Variants in ICE2 observed in about 807,000 individuals in gnomAD.
ICE2 encodes the protein interactor of little elongation complex ELL subunit 2, also known as little elongation complex subunit 2.
Under a neutral mutation model 105.4 loss-of-function variants are expected in ICE2, and 87 were observed. The observed-to-expected ratio is 0.83, with a 90% CI of 0.69 to 0.99. ICE2 has a LOEUF of 0.99. Ranked by LOEUF, ICE2 falls within the 50% of genes least tolerant of loss-of-function variation. The pLI is 0.00. For missense variants in ICE2, 1,323 were observed against 1,146.7 expected (o/e 1.15, Z -2.22); for synonymous variants, 399 against 392.0 (o/e 1.02, Z -0.21).
intron 11 of ICE2, 44 bp from the exon 12 acceptor site, chr15:60,442,589 T>A (rs747704868): frequency 6.9e-7 from 1 of 1,441,362 alleles, no homozygotes; most frequent in Non-Finnish European, 9.4e-7. Flanking sequence ...ATTAATTTAC[T>A]ATTAATAGCA....
chr15:60,453,974 CA>C (rs1312195496), intron 8 of ICE2, among the ~76,000 whole-genome samples, 190 bp from the exon 9 acceptor site: 2 of 152,074 alleles, frequency 1.3e-5, no homozygotes, highest in Admixed American at 6.5e-5. Flanking sequence ...CAAGAAAATC[CA>C]ACTGGCAGGA....
chr15:60,465,721 T>C (rs1435344894), intron 5 of ICE2, among the ~76,000 whole-genome samples: 1 of 151,520 alleles, frequency 6.6e-6, no homozygotes, highest in Non-Finnish European at 1.5e-5. Context: ...TATATATATA[T>C]AGTTATTATT....
At chr15:60,463,027 C>T (rs916080699) in intron 5 of ICE2, among the ~76,000 whole-genome samples, 5 of 152,114 alleles carry the variant, frequency 3.3e-5, no homozygotes, top group African/African-American at 1.2e-4. Context: ...AATTACAAGA[C>T]ACTCAATAAT....
At position 60,422,134 on chromosome 15, in the gene ICE2, C is replaced by T. The variant is rs2063247427; in HGVS notation, c.*1500G>A. On this transcript the variant is annotated 3_prime_UTR_variant, in exon 16 of 16. Coordinates refer to ENST00000261520, the MANE Select transcript of ICE2 (RefSeq NM_024611.6). ...GTTCTAAAGATTAAACAAGCCTGTC[C>T]TGTTTTTTTTTTTCTTTGAGACAGG... The T allele has an allele frequency of 6.6e-6, 1 of 151,244 alleles. No homozygotes were observed. Among genetic ancestry groups the T allele is most frequent in the African/African-American group, 2.4e-5 (1 of 41,104 alleles). The allele number at this position is 151,244 out of a possible 1,614,324, so 9.4% of individuals were successfully genotyped here.
In ICE2 at chr15:60,422,233, A is replaced by T. The variant is rs181264457; in HGVS notation, c.*1401T>A. 28 of 151,838 alleles carry T rather than the reference A, an allele frequency of 1.8e-4. No homozygotes were observed. Among genetic ancestry groups the T allele is most frequent in the African/African-American group, 6.0e-4 (25 of 41,394 alleles). The allele number at this position is 151,838 out of a possible 1,614,324, so 9.4% of individuals were successfully genotyped here. On this transcript the variant is annotated 3_prime_UTR_variant, in exon 16 of 16. Transcript: ENST00000261520. ...CTGTAGCCTTGACTTCTTGGGCTCA[A>T]GCAATTCTTCTGCCTCAGCCTTTTG...
chr15:60,473,928 A>G (rs1185140226), intron 3 of ICE2, among the ~76,000 whole-genome samples: 1 of 151,876 alleles, frequency 6.6e-6, no homozygotes, highest in African/African-American at 2.4e-5. Context: ...TTTTTTTTGT[A>G]GACAGGATCT....
chr15:60,478,108 T>C (rs979303457), intron 1 of ICE2, 39 bp from the exon 2 acceptor site: 22 of 799,102 alleles, frequency 2.8e-5, no homozygotes, highest in Admixed American at 2.4e-4. Context: ...AAGCAAGTGA[T>C]TGGCTAGGCC....
At chr15:60,461,452 C>T (rs1036805502) in intron 5 of ICE2, among the ~76,000 whole-genome samples, 4 of 151,822 alleles carry the variant, frequency 2.6e-5, no homozygotes, top group African/African-American at 7.3e-5. Context: ...GTAAATTATA[C>T]CTTAATAAAA....
At position 60,466,701 on chromosome 15, in the gene ICE2, G is replaced by T; in HGVS notation, c.421C>A (p.His141Asn). The T allele has an allele frequency of 6.2e-7, 1 of 1,602,442 alleles. No individual in the cohort carries two copies. Residue 141 changes from histidine (H) to asparagine (N), a missense_variant, in exon 5 of 16, where the codon CAT becomes AAT. Physicochemically the swap from His to Asn is moderately conservative, Grantham distance 68. Transcript: ENST00000261520. ...DYLQYLDMKK[H>N]VNEEVTEFLK... ...AACTCAGTAACTTCTTCGTTCACAT[G>T]TTTTTTCATATCCTGATTTTTAAAA... is the stretch of plus-strand genomic sequence containing the variant.
At chr15:60,453,426 A>C (rs2141079753) in intron 9 of ICE2, 177 bp downstream of exon 9, 1 of 1,378,004 alleles carries the variant, frequency 7.3e-7, no homozygotes, top group East Asian at 2.6e-5. Context: ...GAGAAAACTT[A>C]GGCTGAGGGA....
At chr15:60,452,244 TAAAC>T (rs2063984013) in intron 9 of ICE2, 2 of 926,006 alleles carry the variant, frequency 2.2e-6, no homozygotes, top group Non-Finnish European at 2.6e-6. Flanking sequence ...GAGAAAAACA[TAAAC>T]AAATATAAAA....
chr15:60,453,702 A>G lies in ICE2; in HGVS notation c.1026T>C (p.Phe342=), dbSNP rs750569236. 3.7e-6 allele frequency: 6 copies of G among 1,612,242 alleles called. No homozygotes were observed. The South Asian group carries it at 5.5e-5, about 15-fold the overall frequency. The change falls in exon 9 of 16, where the codon TTT becomes TTC. Residue 342 remains phenylalanine (F), a synonymous_variant. Coordinates refer to ENST00000261520, the MANE Select transcript of ICE2 (RefSeq NM_024611.6). ...KMTMRERNQI[F]HEVPLKFMMS... ...TCATAAATTTTAATGGAACTTCATG[A>G]AAGATTTGATTTCTCTCTCTCATAG...
At chr15:60,473,794 G>C (rs1257432863) in intron 3 of ICE2, among the ~76,000 whole-genome samples, 2 of 152,164 alleles carry the variant, frequency 1.3e-5, no homozygotes, top group Admixed American at 6.5e-5. Flanking sequence ...CATACATAGG[G>C]AGTCTATTGC....
chr15:60,455,742 C>G (rs919770584), intron 6 of ICE2, among the ~76,000 whole-genome samples: 1 of 151,888 alleles, frequency 6.6e-6, no homozygotes, highest in South Asian at 2.1e-4. Context: ...TTCAGCCTCA[C>G]GAATAGCTGG....
In ICE2 at chr15:60,442,442, A is replaced by C; in HGVS notation, c.2399T>G (p.Leu800Trp). ...AACATAAAATGAGCTGTTGGAATGC[A>C]ATAAACTTTCAGTCCATAAGCGACA... The part of the protein sequence containing the change: ...ELCRLWTESL[L>W]HSNSSFYVGH... The change falls in exon 12 of 16, where the codon TTG becomes TGG. Residue 800 changes from leucine (L) to tryptophan (W), a missense_variant. Transcript: ENST00000261520. 6 of 1,590,676 alleles carry C rather than the reference A, an allele frequency of 3.8e-6. No homozygotes were observed. Among genetic ancestry groups the C allele is most frequent in the Non-Finnish European group, 5.1e-6 (6 of 1,175,308 alleles).
Position 60,478,047 on chromosome 15 carries a change from G to C in ICE2, c.-70C>G. ...CTGGCTGCGAAGGCTCCAAGAGGCA[G>C]GATCCCTCCAGAACTTACTCAGCTG... On this transcript the variant is annotated 5_prime_UTR_variant, in exon 2 of 16. Coordinates refer to ENST00000261520, the MANE Select transcript of ICE2 (RefSeq NM_024611.6). 1 of 1,420,972 alleles carries C rather than the reference G, an allele frequency of 7.0e-7. No homozygotes were observed. The highest frequency in any genetic ancestry group is 1.4e-5 in the African/African-American group (1 of 71,118). The allele number at this position is 1,420,972 out of a possible 1,614,324, so 88.0% of individuals were successfully genotyped here. A position where few individuals can be genotyped will look rare whatever the true frequency, so the allele number is the denominator to read the frequency against.
In ICE2 at chr15:60,420,400, C is replaced by T. The variant is rs2063231793; in HGVS notation, c.*3234G>A. 1 of 152,130 alleles carries T rather than the reference C, an allele frequency of 6.6e-6. No individual in the cohort carries two copies. The highest frequency in any genetic ancestry group is 2.1e-4 in the South Asian group (1 of 4,830). The allele number at this position is 152,130 out of a possible 1,614,324, so 9.4% of individuals were successfully genotyped here. A position where few individuals can be genotyped will look rare whatever the true frequency, so the allele number is the denominator to read the frequency against. On this transcript the variant is annotated 3_prime_UTR_variant, in exon 16 of 16. Coordinates refer to ENST00000261520, the MANE Select transcript of ICE2 (RefSeq NM_024611.6). ...CATTTTTCAGTTACTACAACACAGG[C>T]TCCCAACATTTCTTCTTTCGCTTCC... is the stretch of plus-strand genomic sequence containing the variant.
intron 11 of ICE2, 102 bp downstream of exon 11, chr15:60,447,868 C>T: frequency 4.3e-6 from 4 of 939,502 alleles, no homozygotes; most frequent in East Asian, 2.5e-5. Context: ...CCTGAAGATA[C>T]TACTATGAGT....
At chr15:60,474,078 T>C (rs2064685877) in intron 3 of ICE2, among the ~76,000 whole-genome samples, 1 of 151,982 alleles carries the variant, frequency 6.6e-6, no homozygotes, top group African/African-American at 2.4e-5. Flanking sequence ...CAAATTATTT[T>C]TGGAGAGACG....
Sources: gnomAD v4.1 joint callset for allele counts (sites outside exome capture counted in the v4.1 genomes callset) on GRCh38, gnomAD v4.1.1 for gene constraint, MANE v1.5 for transcripts, NCBI Gene and HGNC (gene_info 2026-07-23, HGNC 2026-07-21) for gene names.